The following GALK2 variants were observed in gnomAD, a reference collection of about 807,000 sequenced individuals.
GALK2 encodes the protein galactokinase 2.
GALK2 carries 36 observed loss-of-function variants against 52.4 expected under a neutral mutation model. That is an observed-to-expected ratio of 0.69 (90% confidence interval 0.53 to 0.91). The LOEUF is 0.91. Among genes scored for constraint, GALK2 ranks in the 40% least tolerant of loss-of-function variants. The pLI, the probability that GALK2 is intolerant of heterozygous loss-of-function variation, is 0.00. For missense variants in GALK2, 579 were observed against 559.1 expected (o/e 1.04, Z -0.36); for synonymous variants, 176 against 199.1 (o/e 0.88, Z 0.98).
chr15:49,300,302 A>G (rs2034998324), intron 8 of GALK2, among the ~76,000 whole-genome samples: 1 of 151,804 alleles, frequency 6.6e-6, no homozygotes, highest in South Asian at 2.1e-4. Flanking sequence ...ATCTTTCTCC[A>G]TCCCTTTACT....
chr15:49,201,792 A>G (rs1244488796), intron 2 of GALK2, among the ~76,000 whole-genome samples: 1 of 152,230 alleles, frequency 6.6e-6, no homozygotes, highest in Non-Finnish European at 1.5e-5. Flanking sequence ...TAATTGACAT[A>G]GTTGTACTTA....
intron 1 of GALK2, among the ~76,000 whole-genome samples, chr15:49,162,710 G>A (rs2084694069): frequency 6.6e-6 from 1 of 152,200 alleles, no homozygotes; most frequent in South Asian, 2.1e-4. Flanking sequence ...AGGAAGGCAA[G>A]TGCCCATGTT....
At chr15:49,228,688 T>TATATATATATATATGTA in intron 3 of GALK2, among the ~76,000 whole-genome samples, 1 of 10,450 alleles carries the variant, frequency 9.6e-5, no homozygotes, top group Admixed American at 1.5e-3. Flanking sequence ...TATATATATA[T>TATATATATATATATGTA]TTTTTTTTTT....
chr15:49,281,452 G>A (rs903337279), intron 5 of GALK2, among the ~76,000 whole-genome samples: 7 of 152,208 alleles, frequency 4.6e-5, no homozygotes, highest in Non-Finnish European at 7.3e-5. Context: ...GTTTGGGTTA[G>A]AACATCTTGG....
At chr15:49,341,216 C>A (rs1216611433) in intron 3 of GALK2, among the ~76,000 whole-genome samples, 1 of 151,932 alleles carries the variant, frequency 6.6e-6, no homozygotes, top group East Asian at 1.9e-4. Context: ...CAGCTTTGTT[C>A]TTTTTGCTTA....
intron 7 of GALK2, among the ~76,000 whole-genome samples, chr15:49,287,834 T>A (rs78841830): frequency 1.2e-4 from 18 of 152,220 alleles, no homozygotes; most frequent in African/African-American, 4.3e-4. Context: ...TACCTTTTTT[T>A]AATCAAGTTA....
At chr15:49,327,894 A>C (rs751062599) in intron 9 of GALK2, 58 bp from the exon 10 acceptor site, 8 of 1,535,858 alleles carry the variant, frequency 5.2e-6, no homozygotes, top group Non-Finnish European at 5.3e-6. Flanking sequence ...ACAAACACCA[A>C]GCAAATCCCT....
intron 1 of GALK2, 81 bp downstream of exon 1, chr15:49,170,456 C>T: frequency 7.1e-7 from 1 of 1,402,352 alleles, no homozygotes; most frequent in Non-Finnish European, 9.8e-7. Flanking sequence ...TGGCTCCTCC[C>T]TTGGGGCGCT....
rs200019846 is a variant in GALK2, at chr15:49,331,504, T to C, written c.*3345T>C. Reference sequence around the variant, plus strand: ...ACTTACAATTTTAAACATCAGTGATTATTAGTTTGTAATTCTAACTGCATT... The same window carrying C: ...ACTTACAATTTTAAACATCAGTGATCATTAGTTTGTAATTCTAACTGCATT... On this transcript the variant is annotated 3_prime_UTR_variant, in exon 10 of 10. Coordinates refer to ENST00000560031, the MANE Select transcript of GALK2 (RefSeq NM_002044.4). 3.7e-5 allele frequency: 14 copies of C among 377,336 alleles called. No homozygotes were observed. The East Asian group carries it at 6.7e-4, about 18-fold the overall frequency. The allele number at this position is 377,336 out of a possible 1,614,324, so 23.4% of individuals were successfully genotyped here. A position where few individuals can be genotyped will look rare whatever the true frequency, so the allele number is the denominator to read the frequency against.
chr15:49,194,176 A>G (rs1400328146), intron 1 of GALK2: 1 of 152,062 alleles, frequency 6.6e-6, no homozygotes, highest in East Asian at 2.0e-4. Flanking sequence ...AAATACAAAA[A>G]TTATCCAGGC....
At chr15:49,322,817 C>T (rs948595241) in intron 9 of GALK2, among the ~76,000 whole-genome samples, 6 of 151,830 alleles carry the variant, frequency 4.0e-5, no homozygotes, top group African/African-American at 1.2e-4. Flanking sequence ...ATTAGCCGAG[C>T]GTGGCGGCAT....
intron 8 of GALK2, among the ~76,000 whole-genome samples, chr15:49,294,087 CAAATAAATAAATAAAT>C (rs201999229): frequency 7.6e-5 from 10 of 131,056 alleles, no homozygotes; most frequent in African/African-American, 2.0e-4. Context: ...GACCCTGTCT[CAAATAAATAAATAAAT>C]AAATAAATAA....
At chr15:49,304,732 A>G (rs1157189682) in intron 8 of GALK2, among the ~76,000 whole-genome samples, 4 of 152,266 alleles carry the variant, frequency 2.6e-5, no homozygotes, top group African/African-American at 7.2e-5. Flanking sequence ...GGTGATACCA[A>G]TGAGAACCAA....
At chr15:49,192,476 T>TGA (rs2086798895) in intron 1 of GALK2, among the ~76,000 whole-genome samples, 1 of 64,516 alleles carries the variant, frequency 1.6e-5, no homozygotes, top group African/African-American at 5.7e-5. Context: ...ATGAATATTA[T>TGA]ATATATATGT....
rs935805510 is a variant in GALK2, at chr15:49,328,839, A to T, written c.*680A>T. Reference sequence around the variant, plus strand: ...AATTCAGACTCATTTGAATATTTGTAAACCATGTAATATATAAATAACCAC... The same window carrying T: ...AATTCAGACTCATTTGAATATTTGTTAACCATGTAATATATAAATAACCAC... On this transcript the variant is annotated 3_prime_UTR_variant, in exon 10 of 10. Coordinates refer to ENST00000560031, the MANE Select transcript of GALK2 (RefSeq NM_002044.4). The T allele has an allele frequency of 1.1e-5, 15 of 1,394,384 alleles. No homozygotes were observed. The highest frequency in any genetic ancestry group is 2.4e-4 in the Middle Eastern group (1 of 4,140). 86.4% of individuals were successfully genotyped at this position (1,394,384 alleles called of 1,614,324 possible).
chr15:49,244,827 C>T (rs1438187049), intron 5 of GALK2, among the ~76,000 whole-genome samples: 1 of 151,708 alleles, frequency 6.6e-6, no homozygotes, highest in Non-Finnish European at 1.5e-5. Flanking sequence ...AAAGATGGAA[C>T]TTATAATCTT....
At chr15:49,319,883 A>G in intron 9 of GALK2, 78 bp downstream of exon 9, 2 of 1,240,504 alleles carry the variant, frequency 1.6e-6, no homozygotes, top group Non-Finnish European at 2.3e-6. Flanking sequence ...GCAACATTTC[A>G]TAATCTACGG....
At chr15:49,181,548 G>A (rs895317600) in intron 1 of GALK2, among the ~76,000 whole-genome samples, 14 of 138,198 alleles carry the variant, frequency 1.0e-4, no homozygotes, top group African/African-American at 3.8e-4. Flanking sequence ...CTGTTGCCCA[G>A]GCTGGAGTGC....
chr15:49,301,343 T>A (rs1015211141), intron 8 of GALK2, among the ~76,000 whole-genome samples: 1 of 152,206 alleles, frequency 6.6e-6, no homozygotes, highest in African/African-American at 2.4e-5. Context: ...TAGAAACTTT[T>A]AGGAATAGTT....
Sources: gnomAD v4.1 joint callset for allele counts (sites outside exome capture counted in the v4.1 genomes callset) on GRCh38, gnomAD v4.1.1 for gene constraint, MANE v1.5 for transcripts, NCBI Gene and HGNC (gene_info 2026-07-23, HGNC 2026-07-21) for gene names.